Variants in RBM18 observed in about 807,000 individuals in gnomAD.
RBM18 encodes probable RNA-binding protein 18.
In RBM18, 18 loss-of-function variants were observed where a neutral mutation model predicts 26.4. The observed-to-expected ratio is 0.68, with a 90% CI of 0.47 to 1.01. The LOEUF is 1.01. Ranked by LOEUF, RBM18 falls within the 50% of genes least tolerant of loss-of-function variation. The probability of loss-of-function intolerance (pLI) is 0.00; values close to 1 mark genes in which losing one functional copy is unlikely to be tolerated. For missense variants in RBM18, 180 were observed against 219.2 expected (o/e 0.82, Z 1.13); for synonymous variants, 74 against 81.1 (o/e 0.91, Z 0.47).
intron 2 of RBM18, among the ~76,000 whole-genome samples, chr9:122,252,957 G>GCC (rs1831627851): frequency 1.3e-5 from 2 of 152,148 alleles, no homozygotes; most frequent in Non-Finnish European, 2.9e-5. Flanking sequence ...TCTGATGTGG[G>GCC]GGTGAGACAA....
At chr9:122,264,693 G>GA (rs1326362923) in intron 1 of RBM18, 22 bp downstream of exon 1, 1 of 152,324 alleles carries the variant, frequency 6.6e-6, no homozygotes, top group Non-Finnish European at 1.5e-5. Context: ...GAGGTGCAGG[G>GA]ACATGTCGCG....
intron 2 of RBM18, among the ~76,000 whole-genome samples, chr9:122,259,141 G>GA (rs759169748): frequency 7.9e-5 from 12 of 152,054 alleles, no homozygotes; most frequent in Admixed American, 2.6e-4. Context: ...TGTTCTAATT[G>GA]AAAAAAACAT....
intron 2 of RBM18, chr9:122,254,498 G>C (rs557460142): frequency 6.5e-6 from 1 of 153,358 alleles, no homozygotes; most frequent in Non-Finnish European, 1.4e-5. Context: ...GCTGAAGTGC[G>C]GGAGAGCACA....
intron 2 of RBM18, among the ~76,000 whole-genome samples, chr9:122,260,483 C>T (rs978398339): frequency 6.6e-6 from 1 of 152,234 alleles, no homozygotes; most frequent in Non-Finnish European, 1.5e-5. Flanking sequence ...GGAAAAACCT[C>T]TCAATTTTCT....
At chr9:122,255,314 T>C (rs1169009232) in intron 2 of RBM18, among the ~76,000 whole-genome samples, 1 of 152,122 alleles carries the variant, frequency 6.6e-6, no homozygotes, top group Non-Finnish European at 1.5e-5. Flanking sequence ...GTATGGACAA[T>C]GAGGAGACAT....
chr9:122,251,533 A>G (rs1831606135), intron 3 of RBM18, among the ~76,000 whole-genome samples: 1 of 152,232 alleles, frequency 6.6e-6, no homozygotes, highest in Non-Finnish European at 1.5e-5. Context: ...TCAGTTGGCC[A>G]GCCAGTAAAG....
At position 122,241,206 on chromosome 9, in the gene RBM18, T is replaced by C. The variant is rs1336900708; in HGVS notation, c.*678A>G. The C allele has an allele frequency of 1.3e-5, 2 of 152,260 alleles. No homozygotes were observed. Among genetic ancestry groups the C allele is most frequent in the Non-Finnish European group, 2.9e-5 (2 of 68,052 alleles). 9.4% of individuals were successfully genotyped at this position (152,260 alleles called of 1,614,324 possible). On this transcript the variant is annotated 3_prime_UTR_variant, in exon 6 of 6. Transcript: ENST00000417201. ...GTTCAATTTCCAAATAGAACTTGTG[T>C]TGTGGTATAAAATGTTAAATTTGAT... is the stretch of plus-strand genomic sequence containing the variant.
intron 2 of RBM18, among the ~76,000 whole-genome samples, chr9:122,260,809 T>G (rs144934613): frequency 1.3e-5 from 2 of 152,330 alleles, no homozygotes; most frequent in East Asian, 3.9e-4. Flanking sequence ...TGATTATTAC[T>G]TTTACTCTAA....
chr9:122,254,701 A>G (rs530890860), intron 2 of RBM18, among the ~76,000 whole-genome samples: 1 of 152,354 alleles, frequency 6.6e-6, no homozygotes, highest in Admixed American at 6.5e-5. Context: ...ATAGATACCT[A>G]CAATGTGTCT....
intron 2 of RBM18, among the ~76,000 whole-genome samples, chr9:122,259,804 G>A (rs187245244): frequency 4.6e-5 from 7 of 152,014 alleles, no homozygotes; most frequent in African/African-American, 7.2e-5. Flanking sequence ...AGCAATTTTC[G>A]CGCCTCAACC....
At chr9:122,246,410 G>A (rs184377269) in intron 4 of RBM18, among the ~76,000 whole-genome samples, 4 of 152,346 alleles carry the variant, frequency 2.6e-5, no homozygotes, top group East Asian at 1.9e-4. Flanking sequence ...GTGAGGCACA[G>A]AGATTTTCAA....
At chr9:122,261,817 C>T (rs912678631) in intron 1 of RBM18, among the ~76,000 whole-genome samples, 9 of 152,372 alleles carry the variant, frequency 5.9e-5, no homozygotes, top group Non-Finnish European at 1.0e-4. Flanking sequence ...CTACATGATA[C>T]TTCAGTTCAA....
intron 3 of RBM18, among the ~76,000 whole-genome samples, chr9:122,249,202 T>A (rs959039185): frequency 6.6e-6 from 1 of 152,210 alleles, no homozygotes; most frequent in African/African-American, 2.4e-5. Context: ...ACTTTTTTTT[T>A]ATACTTTCAT....
At chr9:122,261,986 A>C (rs185395186) in intron 1 of RBM18, among the ~76,000 whole-genome samples, 9 of 152,098 alleles carry the variant, frequency 5.9e-5, no homozygotes, top group African/African-American at 1.9e-4. Flanking sequence ...AGGCAATATA[A>C]GAAATCTGTG....
chr9:122,251,394 T>A lies in RBM18; in HGVS notation c.240+453A>T, dbSNP rs187031159. Among the ~76,000 whole-genome samples the A allele has an allele frequency of 3.9e-4, 60 of 152,362 alleles. 1 individual carries two copies. In the East Asian group the frequency reaches 0.011, roughly 29 times the overall value. On this transcript the variant is annotated intron_variant, in intron 3 of 5. Transcript: ENST00000417201. ...TTGAAGGTGAATGCGCTCTTCTACATACATTAAAATTTATATGCATTTGTT... is the reference window on the plus strand; with the variant it reads ...TTGAAGGTGAATGCGCTCTTCTACAAACATTAAAATTTATATGCATTTGTT...
In RBM18 at chr9:122,238,042, T is replaced by C. The variant is rs1444825106; in HGVS notation, c.*3842A>G. On this transcript the variant is annotated 3_prime_UTR_variant, in exon 6 of 6. Coordinates refer to ENST00000417201, the MANE Select transcript of RBM18 (RefSeq NM_033117.4). ...CCAGTTTGCTGAACACTGGACTAGA[T>C]GTTTGCAGGCCTGGGTTCTACCTAA... 1 of 152,198 alleles carries C rather than the reference T, an allele frequency of 6.6e-6. No individual in the cohort carries two copies. Among genetic ancestry groups the C allele is most frequent in the Non-Finnish European group, 1.5e-5 (1 of 68,038 alleles). 9.4% of individuals were successfully genotyped at this position (152,198 alleles called of 1,614,324 possible). A position where few individuals can be genotyped will look rare whatever the true frequency, so the allele number is the denominator to read the frequency against.
chr9:122,253,952 C>A (rs779802498), intron 2 of RBM18, among the ~76,000 whole-genome samples: 3 of 150,492 alleles, frequency 2.0e-5, no homozygotes, highest in Non-Finnish European at 3.0e-5. Flanking sequence ...CACTTGAATC[C>A]GGGAGGCAGA....
At chr9:122,243,528 T>C (rs944801933) in intron 5 of RBM18, among the ~76,000 whole-genome samples, 7 of 152,174 alleles carry the variant, frequency 4.6e-5, no homozygotes, top group Non-Finnish European at 1.0e-4. Context: ...ATTGAGATCA[T>C]TGCTATCCCT....
chr9:122,244,716 T>C (rs1253602026), intron 5 of RBM18, among the ~76,000 whole-genome samples: 1 of 152,206 alleles, frequency 6.6e-6, no homozygotes, highest in Non-Finnish European at 1.5e-5. Context: ...ACCCACCTTC[T>C]ACTTCTGCTC....
Sources: allele counts gnomAD v4.1 joint callset (sites outside exome capture counted in the v4.1 genomes callset), GRCh38; gene constraint gnomAD v4.1.1; transcripts MANE v1.5; gene names NCBI Gene and HGNC (gene_info 2026-07-23, HGNC 2026-07-21).